Variants in CSMD3 observed in about 807,000 individuals in gnomAD.
CSMD3 encodes the protein CUB and Sushi multiple domains 3.
Under a neutral mutation model 435.2 loss-of-function variants are expected in CSMD3, and 177 were observed. The observed-to-expected ratio is 0.41, with a 90% CI of 0.36 to 0.46. The LOEUF (loss-of-function observed/expected upper bound fraction) is 0.46, where lower values mean the gene tolerates loss of function less well. Ranked by LOEUF, CSMD3 falls within the 20% of genes least tolerant of loss-of-function variation. The pLI, the probability that CSMD3 is intolerant of heterozygous loss-of-function variation, is 0.34. For missense variants in CSMD3, 4,265 were observed against 4,504.6 expected, an observed-to-expected ratio of 0.95 and a Z score of 1.52; for synonymous variants, 1,656 against 1,520.5, an observed-to-expected ratio of 1.09 and a Z score of -2.07.
intron 5 of CSMD3, among the ~76,000 whole-genome samples, chr8:113,094,174 A>G (rs1173968106): frequency 2.0e-5 from 3 of 152,072 alleles, no homozygotes; most frequent in Non-Finnish European, 2.9e-5. Flanking sequence ...AGAAATTACT[A>G]TTACTCTCTT....
intron 13 of CSMD3, among the ~76,000 whole-genome samples, chr8:112,694,878 G>A (rs755383128): frequency 6.6e-6 from 1 of 152,130 alleles, no homozygotes; most frequent in Non-Finnish European, 1.5e-5. Flanking sequence ...CTCCCAGTGT[G>A]AGCGAAGCAG....
chr8:112,406,450 A>T (rs1056391621), intron 35 of CSMD3, 74 bp downstream of exon 35: 25 of 885,778 alleles, frequency 2.8e-5, no homozygotes, highest in Non-Finnish European at 4.0e-5. Flanking sequence ...TCTGAAATTT[A>T]AAAAATTGAA....
intron 5 of CSMD3, chr8:113,098,519 T>A (rs1364160558): frequency 2.0e-6 from 1 of 507,002 alleles, no homozygotes; most frequent in East Asian, 3.6e-5. Flanking sequence ...AAAACACAAC[T>A]GTAGATTACA....
intron 13 of CSMD3, among the ~76,000 whole-genome samples, chr8:112,754,451 C>T (rs1745864463): frequency 6.6e-6 from 1 of 151,850 alleles, no homozygotes; most frequent in Non-Finnish European, 1.5e-5. Flanking sequence ...ATTATTCTCC[C>T]AGCAGTAATT....
intron 4 of CSMD3, among the ~76,000 whole-genome samples, chr8:113,159,595 A>G (rs993190991): frequency 7.2e-5 from 11 of 152,004 alleles, no homozygotes; most frequent in African/African-American, 2.4e-4. Context: ...CTGATAAGCC[A>G]TAATTAGTCA....
At chr8:112,856,018 G>T (rs2080647611) in intron 11 of CSMD3, among the ~76,000 whole-genome samples, 2 of 151,848 alleles carry the variant, frequency 1.3e-5, no homozygotes, top group South Asian at 2.1e-4. Context: ...ACAGATTGAG[G>T]TATGTCTTCA....
intron 23 of CSMD3, among the ~76,000 whole-genome samples, chr8:112,583,637 T>C (rs956887921): frequency 2.6e-5 from 4 of 151,874 alleles, no homozygotes; most frequent in Non-Finnish European, 5.9e-5. Flanking sequence ...TTCCTATATG[T>C]AAACATTAAT....
At chr8:113,200,491 G>A (rs958160523) in intron 3 of CSMD3, among the ~76,000 whole-genome samples, 3 of 151,612 alleles carry the variant, frequency 2.0e-5, no homozygotes, top group African/African-American at 4.8e-5. Context: ...TATCATCCAT[G>A]TCCTAAAATG....
chr8:113,345,408 T>G (rs1032193393), intron 1 of CSMD3, among the ~76,000 whole-genome samples: 2 of 152,170 alleles, frequency 1.3e-5, no homozygotes, highest in Non-Finnish European at 2.9e-5. Context: ...TAAATCTATA[T>G]AAAATTCAAT....
At chr8:112,699,472 A>G (rs566931587) in intron 13 of CSMD3, among the ~76,000 whole-genome samples, 1 of 152,312 alleles carries the variant, frequency 6.6e-6, no homozygotes, top group East Asian at 1.9e-4. Flanking sequence ...GTGGGGAAAA[A>G]AAGAGAAAAC....
intron 68 of CSMD3, 41 bp from the exon 69 acceptor site, chr8:112,231,673 C>T: frequency 9.0e-7 from 1 of 1,113,360 alleles, no homozygotes; most frequent in South Asian, 1.2e-5. Context: ...GAATACTGGC[C>T]ATAGCTATAT....
intron 9 of CSMD3, among the ~76,000 whole-genome samples, chr8:112,923,915 GTTAA>G (rs1387698124): frequency 6.6e-6 from 1 of 152,070 alleles, no homozygotes; most frequent in East Asian, 1.9e-4. Flanking sequence ...CTCTCTCAAG[GTTAA>G]TTAAATTTTT....
chr8:112,816,576 A>C (rs1392928631), intron 12 of CSMD3, among the ~76,000 whole-genome samples: 2 of 152,080 alleles, frequency 1.3e-5, no homozygotes, highest in Admixed American at 1.3e-4. Context: ...AACTCCTTGG[A>C]TGCAGAAGAA....
In CSMD3 at chr8:112,301,871, C is replaced by T. The variant is rs1820955944; in HGVS notation, c.8362G>A (p.Gly2788Arg). Residue 2788 changes from glycine (G) to arginine (R), a missense_variant, in exon 53 of 71, where the codon GGA becomes AGA. Around this residue, in one of 3 missense-constraint regions of CSMD3, gnomAD observed 3,255 missense variants for 3,380.2 expected, o/e 0.96. Transcript: ENST00000297405. ...GSTAIFTCDL[G>R]FMLVGSAVRE... ...ACAGCAGAGCCCACAAGCATGAATCCCAAGTCGCAGGTAAAGATAGCTGTT... is the reference window on the plus strand; with the variant it reads ...ACAGCAGAGCCCACAAGCATGAATCTCAAGTCGCAGGTAAAGATAGCTGTT... 2 of 1,613,660 alleles carry T rather than the reference C, an allele frequency of 1.2e-6. No individual in the cohort carries two copies. Among genetic ancestry groups the T allele is most frequent in the South Asian group, 2.2e-5 (2 of 91,078 alleles).
intron 38 of CSMD3, among the ~76,000 whole-genome samples, chr8:112,370,156 A>G (rs1166770418): frequency 1.3e-5 from 2 of 152,122 alleles, no homozygotes; most frequent in African/African-American, 4.8e-5. Flanking sequence ...ATAGTCATAC[A>G]AAGTGATCAT....
rs1316649199 is a variant in CSMD3 at position 112,800,241 on chromosome 8, C to T, written c.1893G>A (p.Val631=). 5.6e-6 allele frequency: 9 copies of T among 1,612,680 alleles called. No individual in the cohort carries two copies. Among genetic ancestry groups the T allele is most frequent in the African/African-American group, 1.3e-5 (1 of 74,940 alleles). Residue 631 remains valine (V), a synonymous_variant, in exon 13 of 71, where the codon GTG becomes GTA. Transcript: ENST00000297405. ...GCAGCCACATTTGGCTACTCATGCT[C>T]ACTATCAAGTCTGGTACAAAGCTTC... ...LTGSFVPDLI[V]SMSSQMWLHL...
At chr8:113,112,457 A>ATG (rs2090684984) in intron 4 of CSMD3, among the ~76,000 whole-genome samples, 1 of 43,302 alleles carries the variant, frequency 2.3e-5, no homozygotes, top group African/African-American at 1.3e-4. Context: ...ATGTATATAC[A>ATG]CACACACACA....
chr8:112,929,255 A>T lies in CSMD3; in HGVS notation c.1509-7504T>A, dbSNP rs2083018961. Among the ~76,000 whole-genome samples the T allele has an allele frequency of 2.0e-5, 3 of 146,626 alleles. No homozygotes were observed. The South Asian group carries it at 6.7e-4, about 33-fold the overall frequency. On this transcript the variant is annotated intron_variant, in intron 9 of 70. Transcript: ENST00000297405. ...GGTGGGGGGAGGGGGGAGGGATAGC[A>T]TTGGGAGATATACCTAATGCTAGAT...
chr8:112,898,097 G>A (rs560728753), intron 10 of CSMD3, among the ~76,000 whole-genome samples: 10 of 151,164 alleles, frequency 6.6e-5, no homozygotes, highest in South Asian at 4.2e-4. Context: ...GTGCCCAAAT[G>A]ACATTACACT....
Sources: gnomAD v4.1 joint callset for allele counts (sites outside exome capture counted in the v4.1 genomes callset) on GRCh38, gnomAD v4.1.1 for gene constraint, gnomAD v4.1.1 regional missense constraint, MANE v1.5 for transcripts, NCBI Gene and HGNC (gene_info 2026-07-23, HGNC 2026-07-21) for gene names.